The following CENPK variants were observed in gnomAD, a reference collection of about 807,000 sequenced individuals.
CENPK encodes centromere protein K, also known as SoxLZ/Sox6-binding protein Solt.
A neutral mutation model predicts 40.9 loss-of-function variants in CENPK; 46 were observed. The observed-to-expected ratio is 1.13, with a 90% CI of 0.89 to 1.44. The LOEUF is 1.44. CENPK is among the 40% of genes most tolerant of loss of function. The probability of loss-of-function intolerance (pLI) is 0.00; values close to 1 mark genes in which losing one functional copy is unlikely to be tolerated. For synonymous variants in CENPK, 107 were observed against 104.4 expected, an observed-to-expected ratio of 1.02 and a Z score of -0.15; for missense variants, 288 against 303.5, an observed-to-expected ratio of 0.95 and a Z score of 0.38.
chr5:65,544,219 G>A (rs1748496148), intron 5 of CENPK, among the ~76,000 whole-genome samples: 1 of 151,844 alleles, frequency 6.6e-6, no homozygotes, highest in African/African-American at 2.4e-5. Flanking sequence ...AGGCAAAAGG[G>A]GAAAAAAAGA....
At chr5:65,556,401 G>C (rs137922627) in intron 2 of CENPK, among the ~76,000 whole-genome samples, 57 of 152,220 alleles carry the variant, frequency 3.7e-4, no homozygotes, top group Non-Finnish European at 6.9e-4. Flanking sequence ...CTTGAGTCCA[G>C]GAGTTCAAGG....
intron 2 of CENPK, among the ~76,000 whole-genome samples, chr5:65,557,612 A>G (rs1287182082): frequency 6.6e-6 from 1 of 152,226 alleles, no homozygotes; most frequent in Non-Finnish European, 1.5e-5. Flanking sequence ...AGACATACAC[A>G]CGATCATTTC....
At chr5:65,523,378 T>G (rs1277546962) in intron 9 of CENPK, among the ~76,000 whole-genome samples, 2 of 152,230 alleles carry the variant, frequency 1.3e-5, no homozygotes, top group African/African-American at 2.4e-5. Context: ...AGTTGCCTAC[T>G]ACGGTGACAA....
downstream of CENPK, among the ~76,000 whole-genome samples, chr5:65,517,218 T>TAG (rs1742924095): frequency 6.6e-6 from 1 of 152,168 alleles, no homozygotes; most frequent in Admixed American, 6.5e-5. Flanking sequence ...GCTAGAATTA[T>TAG]AGGCATGAGC....
Position 65,542,849 on chromosome 5 carries a change from C to G in CENPK, c.242-1G>C. On this transcript the variant is annotated splice_acceptor_variant, in intron 5 of 10. Transcript: ENST00000396679. LOFTEE classifies it high-confidence loss of function. ...AGAACGTCTTCAGTCAAGGGAATTG[C>G]TACAAAAACAAAACAAAACAAAGTT... 6.2e-7 allele frequency: 1 copy of G among 1,607,514 alleles called. No homozygotes were observed. Among genetic ancestry groups the G allele is most frequent in the South Asian group, 1.1e-5 (1 of 89,444 alleles).
At chr5:65,545,729 C>G (rs1006281339) in intron 5 of CENPK, among the ~76,000 whole-genome samples, 1 of 152,154 alleles carries the variant, frequency 6.6e-6, no homozygotes, top group African/African-American at 2.4e-5. Context: ...GAAATAAATT[C>G]TGCCAACAAC....
At chr5:65,531,974 A>C (rs1056056538) in intron 6 of CENPK, among the ~76,000 whole-genome samples, 1 of 152,198 alleles carries the variant, frequency 6.6e-6, no homozygotes, top group Non-Finnish European at 1.5e-5. Flanking sequence ...AAAAGCAATG[A>C]AAATTGGTTT....
chr5:65,515,323 CT>C (rs1282810549), downstream of CENPK, among the ~76,000 whole-genome samples: 1 of 151,690 alleles, frequency 6.6e-6, no homozygotes, highest in Non-Finnish European at 1.5e-5. Context: ...CCGCCTCAGC[CT>C]CCCAAGTAGC....
At chr5:65,540,366 T>C (rs764012868) in intron 6 of CENPK, among the ~76,000 whole-genome samples, 3 of 152,236 alleles carry the variant, frequency 2.0e-5, no homozygotes, top group Admixed American at 6.5e-5. Flanking sequence ...ATAATAAGAA[T>C]GATATTTACT....
the CENPK span, among the ~76,000 whole-genome samples, chr5:65,497,110 G>A: frequency 1.3e-5 from 2 of 151,570 alleles, no homozygotes; most frequent in South Asian, 4.2e-4. Context: ...GCTGACGCCT[G>A]TAATTCCAGC....
intron 4 of CENPK, 51 bp from the exon 5 acceptor site, chr5:65,551,687 C>T (rs1454865355): frequency 1.0e-6 from 1 of 986,032 alleles, no homozygotes; most frequent in Admixed American, 2.6e-5. Flanking sequence ...CATACCTATT[C>T]ATAGATGAAA....
the CENPK span, among the ~76,000 whole-genome samples, chr5:65,507,374 C>T: frequency 6.6e-6 from 1 of 152,112 alleles, no homozygotes; most frequent in Admixed American, 6.6e-5. Context: ...GCTAAATGCA[C>T]AGCTATATAG....
chr5:65,535,332 T>C (rs1288996926), intron 6 of CENPK, among the ~76,000 whole-genome samples: 2 of 152,204 alleles, frequency 1.3e-5, no homozygotes, highest in Non-Finnish European at 2.9e-5. Flanking sequence ...TACTAAAGCC[T>C]GTCTTCAGAA....
chr5:65,562,543 G>C (rs1273769387), intron 1 of CENPK, among the ~76,000 whole-genome samples: 6 of 152,198 alleles, frequency 3.9e-5, no homozygotes, highest in Non-Finnish European at 8.8e-5. Flanking sequence ...GTGTTTTACG[G>C]AGGTCATTTT....
chr5:65,516,234 C>T (rs1196485814), downstream of CENPK, among the ~76,000 whole-genome samples: 3 of 152,132 alleles, frequency 2.0e-5, no homozygotes, highest in Non-Finnish European at 4.4e-5. Flanking sequence ...CTTGTTTAGT[C>T]GTTTTTTAAT....
chr5:65,562,975 A>C (rs1168873769), intron 1 of CENPK, 123 bp downstream of exon 1: 1 of 190,494 alleles, frequency 5.2e-6, no homozygotes, highest in East Asian at 1.4e-4. Flanking sequence ...GCCGAGAAGA[A>C]CGGGACTCAA....
At chr5:65,521,004 G>A (rs115324734) in intron 10 of CENPK, among the ~76,000 whole-genome samples, 2,918 of 152,226 alleles carry the variant, frequency 0.019, 71 homozygotes, top group African/African-American at 0.058. Context: ...TACACTGTAA[G>A]AAAAGAGACT....
At chr5:65,526,347 T>C (rs1342356536) in intron 9 of CENPK, among the ~76,000 whole-genome samples, 1 of 151,914 alleles carries the variant, frequency 6.6e-6, no homozygotes, top group African/African-American at 2.4e-5. Context: ...CTTTTACAAA[T>C]AAATAAGAGG....
intron 6 of CENPK, among the ~76,000 whole-genome samples, chr5:65,537,807 A>G (rs765665547): frequency 6.6e-6 from 1 of 152,062 alleles, no homozygotes; most frequent in Non-Finnish European, 1.5e-5. Flanking sequence ...CATTTTATTC[A>G]TTCATTAATT....
Sources: gnomAD v4.1 joint callset for allele counts (sites outside exome capture counted in the v4.1 genomes callset) on GRCh38, gnomAD v4.1.1 for gene constraint, MANE v1.5 for transcripts, NCBI Gene and HGNC (gene_info 2026-07-23, HGNC 2026-07-21) for gene names.